CAB39: variants seen among roughly 807,000 people sequenced by gnomAD.
The protein encoded by CAB39 is calcium binding protein 39, also known as calcium-binding protein 39.
Under a neutral mutation model 40.0 loss-of-function variants are expected in CAB39, and 8 were observed. That is an observed-to-expected ratio of 0.20 (90% CI 0.12 to 0.36). The LOEUF is 0.36. CAB39 is among the 10% of genes least tolerant of loss of function. CAB39 has a pLI of 1.00. For missense variants in CAB39, 270 were observed against 401.1 expected (o/e 0.67, Z 2.79); for synonymous variants, 156 against 141.6 (o/e 1.10, Z -0.72).
intron 5 of CAB39, among the ~76,000 whole-genome samples, chr2:230,806,554 C>A (rs950945642): frequency 1.3e-5 from 2 of 152,112 alleles, no homozygotes; most frequent in Non-Finnish European, 2.9e-5. Context: ...CCCTGTCATT[C>A]GAGGAGTGGT....
intron 6 of CAB39, among the ~76,000 whole-genome samples, chr2:230,812,095 A>G (rs1349005582): frequency 6.6e-6 from 1 of 152,236 alleles, no homozygotes; most frequent in Non-Finnish European, 1.5e-5. Context: ...TGAGCTTTCT[A>G]ATAACCAAAG....
chr2:230,753,443 C>T (rs1039662830), intron 1 of CAB39, among the ~76,000 whole-genome samples: 2 of 152,134 alleles, frequency 1.3e-5, no homozygotes, highest in Admixed American at 6.5e-5. Context: ...CCCAAGGAAT[C>T]CTGCTGAGGT....
chr2:230,804,974 A>G (rs1311097980), intron 5 of CAB39, among the ~76,000 whole-genome samples: 1 of 152,238 alleles, frequency 6.6e-6, no homozygotes, highest in East Asian at 1.9e-4. Flanking sequence ...ACTATTCACA[A>G]TAGCAAAGAC....
intron 1 of CAB39, among the ~76,000 whole-genome samples, chr2:230,724,537 C>T (rs1055843078): frequency 4.6e-5 from 7 of 151,408 alleles, no homozygotes; most frequent in Admixed American, 1.3e-4. Flanking sequence ...CAAAATTAGC[C>T]GGGCATGGTG....
chr2:230,739,854 C>G (rs910799666), intron 1 of CAB39, among the ~76,000 whole-genome samples: 1 of 152,146 alleles, frequency 6.6e-6, no homozygotes, highest in Non-Finnish European at 1.5e-5. Context: ...TGGAGAAGTT[C>G]AGCATTGTGA....
chr2:230,770,968 C>T (rs1460928592), intron 2 of CAB39, among the ~76,000 whole-genome samples: 1 of 152,200 alleles, frequency 6.6e-6, no homozygotes, highest in Non-Finnish European at 1.5e-5. Flanking sequence ...CATGTTATCT[C>T]TGAGATCAAG....
chr2:230,724,529 A>T (rs891556397), intron 1 of CAB39, among the ~76,000 whole-genome samples: 2 of 151,766 alleles, frequency 1.3e-5, no homozygotes, highest in African/African-American at 4.8e-5. Flanking sequence ...TAAAAATACA[A>T]AATTAGCCGG....
chr2:230,754,455 T>TTCCCTCCTTCTTCCCCTC (rs1559599023), intron 1 of CAB39, among the ~76,000 whole-genome samples: 12 of 127,758 alleles, frequency 9.4e-5, no homozygotes, highest in Non-Finnish European at 1.7e-4. Flanking sequence ...TTCTTCCCCT[T>TTCCCTCCTTCTTCCCCTC]TCCCTCCTTC....
At chr2:230,728,243 T>TA (rs766265851) in intron 1 of CAB39, among the ~76,000 whole-genome samples, 1 of 150,440 alleles carries the variant, frequency 6.6e-6, no homozygotes, top group East Asian at 1.9e-4. Flanking sequence ...GTCTCAAAAA[T>TA]AAATAAATAA....
At chr2:230,805,800 T>G (rs1344747921) in intron 5 of CAB39, among the ~76,000 whole-genome samples, 1 of 152,244 alleles carries the variant, frequency 6.6e-6, no homozygotes, top group Non-Finnish European at 1.5e-5. Context: ...GTATGTTATA[T>G]CCATATGCTA....
In CAB39 at chr2:230,725,194, G is replaced by C. The variant is rs929036484; in HGVS notation, c.-44+11964G>C. On this transcript the variant is annotated intron_variant, in intron 1 of 8. Transcript: ENST00000258418. ...GAAGGCAGTCCCGGGACTGCTTGGC[G>C]CTGGCGCCACAAGTGTCTTTCAGCC... The C allele has an allele frequency of 6.8e-6, 11 of 1,607,874 alleles. No homozygotes were observed. In the East Asian group the frequency reaches 2.2e-4, roughly 33 times the overall value.
chr2:230,771,221 T>C (rs929148323), intron 2 of CAB39, among the ~76,000 whole-genome samples: 7 of 152,186 alleles, frequency 4.6e-5, no homozygotes, highest in Non-Finnish European at 8.8e-5. Flanking sequence ...CAGAAATCAG[T>C]TGTATTTCTG....
rs1458613832 is a variant in CAB39, at chr2:230,763,609, C to T, written c.114+3494C>T. Among the ~76,000 whole-genome samples, 4 of 150,694 alleles carry T rather than the reference C, an allele frequency of 2.7e-5. No individual in the cohort carries two copies. The East Asian group carries it at 5.9e-4, about 22-fold the overall frequency. On this transcript the variant is annotated intron_variant, in intron 2 of 8. Transcript: ENST00000258418. ...TCTGTCTCAAAAAAAAAAACAAAGACGAGAAAAAGAAAACCTGGTCTCACA... is the reference window on the plus strand; with the variant it reads ...TCTGTCTCAAAAAAAAAAACAAAGATGAGAAAAAGAAAACCTGGTCTCACA...
intron 1 of CAB39, among the ~76,000 whole-genome samples, chr2:230,756,661 G>GTTTGTTTGTTTA (rs759319132): frequency 2.1e-5 from 2 of 95,370 alleles, no homozygotes; most frequent in African/African-American, 8.4e-5. Flanking sequence ...CTAACTGTTT[G>GTTTGTTTGTTTA]TTTATTTATT....
chr2:230,713,354 A>G (rs1020494815), intron 1 of CAB39, 124 bp downstream of exon 1: 10 of 152,160 alleles, frequency 6.6e-5, no homozygotes, highest in Non-Finnish European at 1.3e-4. Context: ...GCCCCGGCCC[A>G]GCTTGTCCCC....
rs142176662 is a variant in CAB39 at position 230,802,245 on chromosome 2, C to T, written c.567+3348C>T. ...ACAAAGACACAACCTACCGCAATCT[C>T]TGGGACACATTTAAAACAGTGTGTA... is the stretch of plus-strand genomic sequence containing the variant. On this transcript the variant is annotated intron_variant, in intron 5 of 8. Transcript: ENST00000258418. 6.0e-3 allele frequency among the ~76,000 whole-genome samples: 920 copies of T among 152,320 alleles called. 30 individuals carry two copies. The highest frequency in any genetic ancestry group is 0.052 in the Admixed American group (792 of 15,296).
At chr2:230,744,579 A>G (rs2124895413) in intron 1 of CAB39, among the ~76,000 whole-genome samples, 1 of 152,380 alleles carries the variant, frequency 6.6e-6, no homozygotes, top group Middle Eastern at 3.4e-3. Flanking sequence ...GGCGTGAGCC[A>G]CCACGCCTGG....
intron 2 of CAB39, among the ~76,000 whole-genome samples, chr2:230,787,218 C>A (rs532076323): frequency 6.6e-6 from 1 of 152,094 alleles, no homozygotes; most frequent in South Asian, 2.1e-4. Flanking sequence ...GAAATAGTTG[C>A]ATATATACAT....
chr2:230,759,804 T>C (rs1695257497), intron 1 of CAB39, among the ~76,000 whole-genome samples, 155 bp from the exon 2 acceptor site: 1 of 152,254 alleles, frequency 6.6e-6, no homozygotes, highest in African/African-American at 2.4e-5. Flanking sequence ...TATCATTTCT[T>C]GCATATATTT....
Sources: allele counts gnomAD v4.1 joint callset (sites outside exome capture counted in the v4.1 genomes callset), GRCh38; gene constraint gnomAD v4.1.1; transcripts MANE v1.5; gene names NCBI Gene and HGNC (gene_info 2026-07-23, HGNC 2026-07-21).